CHD6: variants seen among roughly 807,000 people sequenced by gnomAD.
CHD6 encodes chromodomain helicase DNA binding protein 6, also known as ATP-dependent chromatin remodeler CHD6.
A neutral mutation model predicts 276.9 loss-of-function variants in CHD6; 50 were observed. The observed-to-expected ratio is 0.18, with a 90% confidence interval of 0.14 to 0.23. The LOEUF is 0.23. Ranked by LOEUF, CHD6 falls within the 10% of genes least tolerant of loss-of-function variation. The pLI is 1.00. For missense variants in CHD6, 2,564 were observed against 3,365.8 expected, an observed-to-expected ratio of 0.76 and a Z score of 5.89; for synonymous variants, 1,173 against 1,229.3, an observed-to-expected ratio of 0.95 and a Z score of 0.96.
chr20:41,575,916 T>G (rs1379281646), intron 1 of CHD6, among the ~76,000 whole-genome samples: 1 of 152,184 alleles, frequency 6.6e-6, no homozygotes, highest in African/African-American at 2.4e-5. Context: ...CCCATAATTC[T>G]ATGACTCATT....
intron 1 of CHD6, among the ~76,000 whole-genome samples, chr20:41,576,429 T>G (rs2045475208): frequency 6.6e-6 from 1 of 152,180 alleles, no homozygotes; most frequent in African/African-American, 2.4e-5. Flanking sequence ...CTCACATGTG[T>G]AATCCAGGTA....
chr20:41,607,204 G>A (rs781558212), intron 1 of CHD6, among the ~76,000 whole-genome samples: 5 of 152,074 alleles, frequency 3.3e-5, no homozygotes, highest in Admixed American at 2.0e-4. Context: ...ACTAATCTCA[G>A]TCTCTGATTA....
intron 27 of CHD6, among the ~76,000 whole-genome samples, chr20:41,436,222 A>T (rs2047705533): frequency 6.6e-6 from 1 of 152,254 alleles, no homozygotes; most frequent in South Asian, 2.1e-4. Context: ...TTCACTGAAA[A>T]GGATATACAG....
chr20:41,518,371 A>G (rs2044302101), intron 3 of CHD6, among the ~76,000 whole-genome samples: 1 of 152,234 alleles, frequency 6.6e-6, no homozygotes, highest in African/African-American at 2.4e-5. Flanking sequence ...AGCCCAAATC[A>G]TAACTAAGGA....
chr20:41,540,210 A>C (rs533208617), intron 2 of CHD6, among the ~76,000 whole-genome samples: 4 of 152,360 alleles, frequency 2.6e-5, no homozygotes, highest in African/African-American at 9.6e-5. Context: ...GAATGAAAGA[A>C]ACAGTTATCT....
chr20:41,458,357 G>T (rs575162230), intron 17 of CHD6, among the ~76,000 whole-genome samples: 15 of 152,310 alleles, frequency 9.8e-5, no homozygotes, highest in Admixed American at 2.6e-4. Context: ...ATACAATGAA[G>T]GCATGCACTT....
At chr20:41,470,950 C>T (rs1363794420) in intron 17 of CHD6, among the ~76,000 whole-genome samples, 1 of 152,226 alleles carries the variant, frequency 6.6e-6, no homozygotes, top group Non-Finnish European at 1.5e-5. Context: ...TCAAACTGGC[C>T]ATTCAACTTT....
At chr20:41,481,164 G>A (rs2043287385) in intron 16 of CHD6, among the ~76,000 whole-genome samples, 1 of 151,472 alleles carries the variant, frequency 6.6e-6, no homozygotes, top group Non-Finnish European at 1.5e-5. Context: ...TGGGTCTCAC[G>A]GTTAAGATGA....
At chr20:41,549,549 T>C (rs11906983) in intron 2 of CHD6, among the ~76,000 whole-genome samples, 47,319 of 134,330 alleles carry the variant, frequency 0.35, 10,095 homozygotes, top group African/African-American at 0.62. Flanking sequence ...TGCTAAATGA[T>C]GAGTTAATGG....
intron 25 of CHD6, among the ~76,000 whole-genome samples, chr20:41,441,837 C>T (rs1278235871): frequency 1.3e-5 from 2 of 152,216 alleles, no homozygotes; most frequent in African/African-American, 2.4e-5. Flanking sequence ...GAGGGGGTGT[C>T]GGCTGCCTGC....
chr20:41,446,716 C>CT (rs2048080416), intron 24 of CHD6, among the ~76,000 whole-genome samples: 2 of 152,156 alleles, frequency 1.3e-5, no homozygotes, highest in South Asian at 2.1e-4. Flanking sequence ...TGCCCAGTGC[C>CT]ATGGCTGAAT....
intron 1 of CHD6, among the ~76,000 whole-genome samples, chr20:41,614,321 T>C (rs949172830): frequency 6.6e-6 from 1 of 152,164 alleles, no homozygotes; most frequent in African/African-American, 2.4e-5. Flanking sequence ...TTAAACTCTT[T>C]TGAAATAGAT....
intron 25 of CHD6, among the ~76,000 whole-genome samples, chr20:41,441,484 T>C (rs1261274559): frequency 3.9e-5 from 6 of 152,170 alleles, no homozygotes; most frequent in Admixed American, 1.3e-4. Context: ...GTAATTTAAA[T>C]GACAGGTGAG....
At chr20:41,532,372 T>C in intron 3 of CHD6, among the ~76,000 whole-genome samples, 1 of 152,318 alleles carries the variant, frequency 6.6e-6, no homozygotes, top group East Asian at 1.9e-4. Context: ...CTCATCTATC[T>C]GGAAATCTGT....
intron 1 of CHD6, among the ~76,000 whole-genome samples, chr20:41,605,220 G>A (rs2045815788): frequency 6.6e-6 from 1 of 152,066 alleles, no homozygotes; most frequent in African/African-American, 2.4e-5. Flanking sequence ...AGGTGAAGGG[G>A]GGATGGGTGT....
chr20:41,581,026 T>C (rs1013073677), intron 1 of CHD6, among the ~76,000 whole-genome samples: 2 of 152,234 alleles, frequency 1.3e-5, no homozygotes, highest in Non-Finnish European at 2.9e-5. Context: ...GTAGTAGTTA[T>C]ATTTATCCAC....
chr20:41,482,214 A>G (rs2043311555), intron 16 of CHD6, among the ~76,000 whole-genome samples: 1 of 152,180 alleles, frequency 6.6e-6, no homozygotes, highest in Non-Finnish European at 1.5e-5. Flanking sequence ...TAATATAAGA[A>G]GCAAATGCTC....
chr20:41,412,740 A>G (rs541616234), intron 35 of CHD6, among the ~76,000 whole-genome samples: 7 of 152,318 alleles, frequency 4.6e-5, no homozygotes, highest in African/African-American at 1.7e-4. Flanking sequence ...GCAAGTGAGA[A>G]GAGAAAAACC....
At chr20:41,498,300 T>C in intron 6 of CHD6, 74 bp from the exon 7 acceptor site, 1 of 996,446 alleles carries the variant, frequency 1.0e-6, no homozygotes, top group Admixed American at 2.4e-5. Context: ...AGAAAACAGG[T>C]AATCAATATC....
Sources: allele counts gnomAD v4.1 joint callset (sites outside exome capture counted in the v4.1 genomes callset), GRCh38; gene constraint gnomAD v4.1.1; transcripts MANE v1.5; gene names NCBI Gene and HGNC (gene_info 2026-07-23, HGNC 2026-07-21).